WWOX: variants seen among roughly 807,000 people sequenced by gnomAD.
WWOX encodes WW domain-containing oxidoreductase.
Under a neutral mutation model 46.2 loss-of-function variants are expected in WWOX, and 69 were observed. The observed-to-expected ratio is 1.49, with a 90% CI of 1.23 to 1.82. The LOEUF is 1.82. Ranked by LOEUF, WWOX falls within the 40% of genes most tolerant of loss-of-function variation. WWOX has a pLI of 0.00. For synonymous variants in WWOX, 359 were observed against 202.6 expected (o/e 1.77, Z -6.56); for missense variants, 919 against 542.6 (o/e 1.69, Z -6.89).
At chr16:78,541,792 A>G (rs1478410802) in intron 8 of WWOX, among the ~76,000 whole-genome samples, 2 of 152,084 alleles carry the variant, frequency 1.3e-5, no homozygotes, top group African/African-American at 4.8e-5. Flanking sequence ...AGACCTAGGA[A>G]CTCAGCAAAT....
At chr16:78,821,548 T>C (rs113587191) in intron 8 of WWOX, among the ~76,000 whole-genome samples, 6,685 of 152,326 alleles carry the variant, frequency 0.044, 192 homozygotes, top group Non-Finnish European at 0.064. Flanking sequence ...AGTTCACCCA[T>C]TCCCAACAGT....
chr16:78,520,481 T>C (rs933356711), intron 8 of WWOX, among the ~76,000 whole-genome samples: 5 of 152,172 alleles, frequency 3.3e-5, no homozygotes, highest in African/African-American at 1.2e-4. Context: ...TATTAGAAAG[T>C]AACTAGCCTG....
chr16:78,619,962 C>G (rs1034588712), intron 8 of WWOX, among the ~76,000 whole-genome samples: 1 of 152,066 alleles, frequency 6.6e-6, no homozygotes, highest in Non-Finnish European at 1.5e-5. Flanking sequence ...TTATCTTTAT[C>G]TGAGTTCCTG....
At chr16:78,817,686 A>C (rs773023500) in intron 8 of WWOX, among the ~76,000 whole-genome samples, 1 of 152,086 alleles carries the variant, frequency 6.6e-6, no homozygotes, top group Non-Finnish European at 1.5e-5. Flanking sequence ...TGTGGTGGCA[A>C]ACGGGCCCTG....
chr16:78,492,431 A>C (rs1209197511), intron 8 of WWOX, among the ~76,000 whole-genome samples: 6 of 152,182 alleles, frequency 3.9e-5, no homozygotes. Context: ...CTGACCTCCC[A>C]GTGTGCTGGA....
chr16:78,756,148 A>G (rs1273069555), intron 8 of WWOX, among the ~76,000 whole-genome samples: 3 of 152,192 alleles, frequency 2.0e-5, no homozygotes, highest in East Asian at 1.9e-4. Context: ...CGGGGATCCT[A>G]GAGACTTGAA....
intron 5 of WWOX, among the ~76,000 whole-genome samples, chr16:78,366,758 G>C (rs578127793): frequency 1.3e-5 from 2 of 152,114 alleles, no homozygotes; most frequent in African/African-American, 4.8e-5. Flanking sequence ...TCCAATCTCT[G>C]TTCTAGAGGA....
intron 8 of WWOX, among the ~76,000 whole-genome samples, chr16:78,707,144 A>G (rs2048343632): frequency 6.6e-6 from 1 of 152,216 alleles, no homozygotes; most frequent in Non-Finnish European, 1.5e-5. Context: ...TGATCACTCA[A>G]ATAATCTTAG....
intron 8 of WWOX, among the ~76,000 whole-genome samples, chr16:78,693,867 G>A (rs1045568248): frequency 1.3e-5 from 2 of 152,098 alleles, no homozygotes; most frequent in African/African-American, 4.8e-5. Flanking sequence ...TTTTCCCACT[G>A]AAGTTGTGGT....
At chr16:78,261,817 T>TATATATATATATATATATATATATAC (rs1567464802) in intron 5 of WWOX, among the ~76,000 whole-genome samples, 1 of 146,128 alleles carries the variant, frequency 6.8e-6, no homozygotes, top group African/African-American at 2.5e-5. Context: ...TATATATATA[T>TATATATATATATATATATATATATAC]ACTTATAATG....
chr16:78,682,139 C>G (rs1180630308), intron 8 of WWOX, among the ~76,000 whole-genome samples: 2 of 152,116 alleles, frequency 1.3e-5, no homozygotes, highest in Non-Finnish European at 2.9e-5. Flanking sequence ...TTTGGTGTTA[C>G]TGTTATTTTA....
chr16:78,932,455 A>G (rs117809182), intron 8 of WWOX, among the ~76,000 whole-genome samples: 1 of 152,268 alleles, frequency 6.6e-6, no homozygotes, highest in East Asian at 1.9e-4. Flanking sequence ...GCCCCTCAAA[A>G]TGTGCACACC....
intron 5 of WWOX, among the ~76,000 whole-genome samples, chr16:78,366,699 C>A (rs2081543006): frequency 6.6e-6 from 1 of 152,092 alleles, no homozygotes; most frequent in South Asian, 2.1e-4. Context: ...TTGGGAGATA[C>A]TTGAAAAATC....
At chr16:79,070,350 G>A (rs1176663505) in intron 8 of WWOX, among the ~76,000 whole-genome samples, 1 of 151,648 alleles carries the variant, frequency 6.6e-6, no homozygotes, top group Non-Finnish European at 1.5e-5. Context: ...TGAGATTACT[G>A]TTGAGAAGTA....
intron 8 of WWOX, among the ~76,000 whole-genome samples, chr16:78,735,713 A>T (rs1363854766): frequency 6.6e-6 from 1 of 152,052 alleles, no homozygotes; most frequent in Non-Finnish European, 1.5e-5. Context: ...CTCAAGTACT[A>T]GTTCTATGTC....
At chr16:79,061,956 G>C (rs564603724) in intron 8 of WWOX, among the ~76,000 whole-genome samples, 2 of 152,306 alleles carry the variant, frequency 1.3e-5, no homozygotes, top group East Asian at 3.9e-4. Flanking sequence ...TCAGACGCTA[G>C]CCTCCCCTTG....
chr16:79,126,686 G>C (rs149080892), intron 8 of WWOX, among the ~76,000 whole-genome samples: 37 of 152,282 alleles, frequency 2.4e-4, no homozygotes, highest in African/African-American at 7.2e-4. Context: ...ATACAGCAAG[G>C]GAGCAGTGAT....
At chr16:78,649,762 T>C (rs1182734466) in intron 8 of WWOX, among the ~76,000 whole-genome samples, 5 of 152,232 alleles carry the variant, frequency 3.3e-5, no homozygotes, top group African/African-American at 1.2e-4. Context: ...GGTTTACTTA[T>C]CTCATTTAAC....
chr16:79,009,039 T>C (rs1374736695), intron 8 of WWOX, among the ~76,000 whole-genome samples: 1 of 152,204 alleles, frequency 6.6e-6, no homozygotes, highest in African/African-American at 2.4e-5. Flanking sequence ...TCTAACTTGA[T>C]TGCAAACAAG....
Sources: allele counts gnomAD v4.1 joint callset (sites outside exome capture counted in the v4.1 genomes callset), GRCh38; gene constraint gnomAD v4.1.1; transcripts MANE v1.5; gene names NCBI Gene and HGNC (gene_info 2026-07-23, HGNC 2026-07-21).